PDE4B: variants seen among roughly 807,000 people sequenced by gnomAD.
The protein encoded by PDE4B is 3',5'-cyclic-AMP phosphodiesterase 4B.
In PDE4B, 20 loss-of-function variants were observed where a neutral mutation model predicts 82.2. The ratio of observed to expected loss-of-function variants is 0.24; its 90% confidence interval spans 0.17 to 0.35. The LOEUF is 0.35. Among genes scored for constraint, PDE4B ranks in the 10% least tolerant of loss-of-function variants. The pLI, the probability that PDE4B is intolerant of heterozygous loss-of-function variation, is 1.00. For synonymous variants in PDE4B, 320 were observed against 318.9 expected (o/e 1.00, Z -0.04); for missense variants, 655 against 907.2 (o/e 0.72, Z 3.57).
Position 66,363,162 on chromosome 1 carries a change from T to C in PDE4B, c.1021-6T>C, listed in dbSNP as rs751458782. The C allele has an allele frequency of 6.3e-7, 1 of 1,582,978 alleles. No individual in the cohort carries two copies. Among genetic ancestry groups the C allele is most frequent in the Non-Finnish European group, 8.6e-7 (1 of 1,158,014 alleles). On this transcript the variant is annotated splice_region_variant and splice_polypyrimidine_tract_variant and intron_variant, in intron 10 of 16. Coordinates refer to ENST00000341517, the MANE Select transcript of PDE4B (RefSeq NM_002600.4). ...TTCCTAAATTCCTTTAAATTTTTAATTATAGGAGCTGGAAGACCTGAACAA... is the reference window on the plus strand; with the variant it reads ...TTCCTAAATTCCTTTAAATTTTTAACTATAGGAGCTGGAAGACCTGAACAA...
chr1:66,173,232 G>A (rs377123288), intron 3 of PDE4B, among the ~76,000 whole-genome samples: 3 of 152,130 alleles, frequency 2.0e-5, no homozygotes, highest in African/African-American at 7.2e-5. Context: ...TCTAAGACAC[G>A]AGAAGGAAAA....
intron 1 of PDE4B, among the ~76,000 whole-genome samples, chr1:65,810,807 G>T (rs1645810103): frequency 6.6e-6 from 1 of 151,948 alleles, no homozygotes; most frequent in South Asian, 2.1e-4. Flanking sequence ...CTTTTCTTAA[G>T]TACATAAATG....
At position 65,962,766 on chromosome 1, in the gene PDE4B, G is replaced by A. The variant is rs371160350; in HGVS notation, c.281+43931G>A. ...CCAGTTCTTTAGGCCTCACGAGGCA[G>A]GTCTATGTCCTGTCCTAGATCCCAG... On this transcript the variant is annotated intron_variant, in intron 3 of 16. Coordinates refer to ENST00000341517, the MANE Select transcript of PDE4B (RefSeq NM_002600.4). Among the ~76,000 whole-genome samples, 65 of 152,308 alleles carry A rather than the reference G, an allele frequency of 4.3e-4. No individual in the cohort carries two copies. The South Asian group carries it at 0.013, about 32-fold the overall frequency.
chr1:65,874,543 C>A (rs1211318869), intron 1 of PDE4B, among the ~76,000 whole-genome samples: 12 of 152,186 alleles, frequency 7.9e-5, no homozygotes. Flanking sequence ...TGACTTCAAA[C>A]TCTACTACAA....
chr1:65,889,344 G>C (rs1003652188), intron 1 of PDE4B, among the ~76,000 whole-genome samples: 1 of 151,940 alleles, frequency 6.6e-6, no homozygotes, highest in Non-Finnish European at 1.5e-5. Flanking sequence ...CTAGTGTTTT[G>C]TTGAGGATTT....
At chr1:66,266,705 G>A (rs1280776720) in intron 7 of PDE4B, 2 of 527,230 alleles carry the variant, frequency 3.8e-6, no homozygotes, top group East Asian at 5.5e-5. Flanking sequence ...TGTGTTGAGA[G>A]CTGCAGAGAG....
chr1:65,832,867 A>G (rs1646098440), intron 1 of PDE4B, among the ~76,000 whole-genome samples: 1 of 152,208 alleles, frequency 6.6e-6, no homozygotes. Context: ...GGTGGGTATA[A>G]ATAGTATAGC....
chr1:65,816,288 T>A (rs1383999416), intron 1 of PDE4B, among the ~76,000 whole-genome samples: 1 of 151,294 alleles, frequency 6.6e-6, no homozygotes, highest in Non-Finnish European at 1.5e-5. Context: ...CAATTAATTA[T>A]CTCAACCCTT....
intron 7 of PDE4B, among the ~76,000 whole-genome samples, chr1:66,289,939 A>G (rs1016895289): frequency 3.3e-5 from 5 of 152,262 alleles, no homozygotes; most frequent in African/African-American, 1.2e-4. Flanking sequence ...GACTGAAAGT[A>G]GAAATAGTAA....
At chr1:66,228,607 C>A (rs948369281) in intron 3 of PDE4B, among the ~76,000 whole-genome samples, 5 of 145,964 alleles carry the variant, frequency 3.4e-5, no homozygotes, top group African/African-American at 1.0e-4. Flanking sequence ...CCAGCCTGGG[C>A]GACAGAGCAA....
chr1:66,074,664 C>T (rs185436633), intron 3 of PDE4B, among the ~76,000 whole-genome samples: 3 of 151,160 alleles, frequency 2.0e-5, no homozygotes, highest in East Asian at 2.0e-4. Context: ...CTTGGCTGCA[C>T]TAATCTGCTT....
chr1:65,940,870 A>G (rs1045140311), intron 3 of PDE4B, among the ~76,000 whole-genome samples: 5 of 152,114 alleles, frequency 3.3e-5, no homozygotes, highest in African/African-American at 9.7e-5. Flanking sequence ...GAATAAATAT[A>G]GTATTAATAC....
chr1:65,846,444 A>G (rs1034342133), intron 1 of PDE4B, among the ~76,000 whole-genome samples: 4 of 152,230 alleles, frequency 2.6e-5, no homozygotes, highest in African/African-American at 9.6e-5. Flanking sequence ...TTGGAGACAA[A>G]GAAATAGGTC....
chr1:66,367,754 T>C lies in PDE4B; in HGVS notation c.1443T>C (p.Ala481=). ...CTGTGTTGGAAAATCATCACCTTGC[T>C]GTGGGTTTCAAACTGCTGCAAGAAG... The part of the protein sequence containing the change: ...DESVLENHHL[A]VGFKLLQEEH... The change falls in exon 14 of 17, where the codon GCT becomes GCC. Residue 481 remains alanine (A), a synonymous_variant. Transcript: ENST00000341517. 6.2e-7 allele frequency: 1 copy of C among 1,613,774 alleles called. No individual in the cohort carries two copies. The highest frequency in any genetic ancestry group is 8.5e-7 in the Non-Finnish European group (1 of 1,179,740).
chr1:66,062,865 A>G (rs1265288796), intron 3 of PDE4B: 2 of 152,050 alleles, frequency 1.3e-5, no homozygotes, highest in Non-Finnish European at 1.5e-5. Context: ...AATACAATTC[A>G]TTGTGCTCTC....
At chr1:66,308,663 C>T (rs970453302) in intron 7 of PDE4B, among the ~76,000 whole-genome samples, 1 of 152,112 alleles carries the variant, frequency 6.6e-6, no homozygotes, top group Admixed American at 6.6e-5. Context: ...GAGATTCATT[C>T]CTGTTGTTTC....
chr1:66,068,613 A>G lies in PDE4B; in HGVS notation c.281+149778A>G, dbSNP rs12060277. Among the ~76,000 whole-genome samples the G allele has an allele frequency of 6.3e-3, 957 of 152,112 alleles. 14 individuals are homozygous for G. Among genetic ancestry groups the G allele is most frequent in the African/African-American group, 0.021 (886 of 41,554 alleles). The stretch of plus-strand genomic sequence containing the variant: ...TAATATATGCTTTGCTATATTAACT[A>G]ATACACTTTGAACAATTGCAGATGA... On this transcript the variant is annotated intron_variant, in intron 3 of 16. Coordinates refer to ENST00000341517, the MANE Select transcript of PDE4B (RefSeq NM_002600.4).
intron 7 of PDE4B, among the ~76,000 whole-genome samples, chr1:66,311,315 T>G (rs1014389859): frequency 1.3e-5 from 2 of 152,256 alleles, no homozygotes; most frequent in Non-Finnish European, 2.9e-5. Flanking sequence ...GCTATGAGGA[T>G]AATTTGAGAC....
chr1:66,268,487 GTGAAACC>G (rs961916419), intron 7 of PDE4B, among the ~76,000 whole-genome samples: 1 of 151,856 alleles, frequency 6.6e-6, no homozygotes, highest in African/African-American at 2.4e-5. Context: ...GACCAATATG[GTGAAACC>G]CCATCTCTAC....
Sources: gnomAD v4.1 joint callset for allele counts (sites outside exome capture counted in the v4.1 genomes callset) on GRCh38, gnomAD v4.1.1 for gene constraint, MANE v1.5 for transcripts, NCBI Gene and HGNC (gene_info 2026-07-23, HGNC 2026-07-21) for gene names.